The following BIRC6 variants were observed in gnomAD, a reference collection of about 807,000 sequenced individuals.
The protein encoded by BIRC6 is dual E2 ubiquitin-conjugating enzyme/E3 ubiquitin-protein ligase BIRC6.
A neutral mutation model predicts 503.3 loss-of-function variants in BIRC6; 98 were observed. That is an observed-to-expected ratio of 0.19 (90% CI 0.17 to 0.23). BIRC6 has a LOEUF of 0.23. Among genes scored for constraint, BIRC6 ranks in the 10% least tolerant of loss-of-function variants. The pLI is 1.00. For synonymous variants in BIRC6, 2,240 were observed against 2,078.7 expected, an observed-to-expected ratio of 1.08 and a Z score of -2.11; for missense variants, 5,360 against 5,806.0, an observed-to-expected ratio of 0.92 and a Z score of 2.50.
Position 32,357,495 on chromosome 2 carries a change from T to C in BIRC6, c.325+9T>C, listed in dbSNP as rs2033255150. 6.5e-7 allele frequency: 1 copy of C among 1,539,388 alleles called. No homozygotes were observed. Among genetic ancestry groups the C allele is most frequent in the Admixed American group, 2.0e-5 (1 of 49,116 alleles). ...GGCCTCCGCGCTCAGTGGTGAGTCT[T>C]CCGCACGCCGGGCGGGCGCGAAGCC... On this transcript the variant is annotated intron_variant, in intron 1 of 73. Coordinates refer to ENST00000421745, the MANE Select transcript of BIRC6 (RefSeq NM_016252.4). The surrounding 1 kb of genome is among the most constrained non-coding windows in gnomAD (Gnocchi z 4.9).
At chr2:32,437,591 C>G (rs970885502) in intron 15 of BIRC6, among the ~76,000 whole-genome samples, 7 of 152,164 alleles carry the variant, frequency 4.6e-5, no homozygotes, top group Non-Finnish European at 8.8e-5. Context: ...AGAAGTGTTT[C>G]AGATTTCAGA....
At chr2:32,481,926 G>C (rs1250460413) in intron 38 of BIRC6, among the ~76,000 whole-genome samples, 1 of 152,080 alleles carries the variant, frequency 6.6e-6, no homozygotes, top group East Asian at 1.9e-4. Context: ...TACTATTGTA[G>C]TTTAAAAACA....
chr2:32,434,108 A>G (rs2044422443), intron 13 of BIRC6, among the ~76,000 whole-genome samples: 1 of 152,202 alleles, frequency 6.6e-6, no homozygotes, highest in African/African-American at 2.4e-5. Flanking sequence ...TTCTTTTCCT[A>G]GGAGAAGACT....
intron 1 of BIRC6, among the ~76,000 whole-genome samples, chr2:32,359,295 TAGAA>T (rs911158543): frequency 6.6e-6 from 1 of 152,158 alleles, no homozygotes; most frequent in African/African-American, 2.4e-5. Context: ...GTGTTTTGGA[TAGAA>T]AGAGGAATTT....
intron 61 of BIRC6, among the ~76,000 whole-genome samples, chr2:32,534,404 A>G (rs918509096): frequency 1.3e-4 from 19 of 149,692 alleles, no homozygotes; most frequent in African/African-American, 4.2e-4. Flanking sequence ...GACACTGCAG[A>G]TTGCAACAGT....
rs769225530 is a variant in BIRC6, at chr2:32,617,708, C to A, written c.14395-17C>A. On this transcript the variant is annotated splice_polypyrimidine_tract_variant and intron_variant, in intron 73 of 73. Coordinates refer to ENST00000421745, the MANE Select transcript of BIRC6 (RefSeq NM_016252.4). ...GAGGGTTTGCAGTTCTAACATTAGT[C>A]CTTTTCTCCTGCATAGCGTCACACT... The A allele has an allele frequency of 3.2e-5, 51 of 1,609,158 alleles. No individual in the cohort carries two copies. Among genetic ancestry groups the A allele is most frequent in the Non-Finnish European group, 4.2e-5 (50 of 1,177,110 alleles).
intron 9 of BIRC6, among the ~76,000 whole-genome samples, chr2:32,411,217 TAGTAGAGACGGG>T (rs1264968429): frequency 6.6e-6 from 1 of 151,514 alleles, no homozygotes. Context: ...TTTGTATTTT[TAGTAGAGACGGG>T]AGTTTCACCA....
intron 3 of BIRC6, among the ~76,000 whole-genome samples, chr2:32,388,166 C>A (rs574374805): frequency 6.6e-6 from 1 of 151,820 alleles, no homozygotes; most frequent in South Asian, 2.1e-4. Flanking sequence ...GCGGACAGAT[C>A]ATCAGGTCAG....
At position 32,607,484 on chromosome 2, in the gene BIRC6, A is replaced by G. The variant is rs762731744; in HGVS notation, c.14100A>G (p.Leu4700=). Residue 4700 remains leucine (L), a synonymous_variant, in exon 72 of 74, where the codon TTA becomes TTG. Transcript: ENST00000421745. ...TGGTGTCTGTCCAGTCCCTTATATT[A>G]GTAGCTGAGCCTTATTTTAATGAAC... ...QVLVSVQSLI[L]VAEPYFNEPG... The G allele has an allele frequency of 5.0e-6, 8 of 1,605,040 alleles. No individual in the cohort carries two copies. In the African/African-American group the frequency reaches 6.7e-5, roughly 13 times the overall value.
At chr2:32,561,484 C>T (rs1024405753) in intron 65 of BIRC6, among the ~76,000 whole-genome samples, 3 of 151,804 alleles carry the variant, frequency 2.0e-5, no homozygotes, top group Non-Finnish European at 4.4e-5. Context: ...AAATGATCTG[C>T]CCACCTCGGC....
At chr2:32,375,661 G>A (rs1349101943) in intron 1 of BIRC6, among the ~76,000 whole-genome samples, 3 of 151,974 alleles carry the variant, frequency 2.0e-5, no homozygotes, top group Non-Finnish European at 1.5e-5. Context: ...TCAGGCACAG[G>A]ATTCATTTTG....
rs769523069 is a variant in BIRC6, at chr2:32,468,705, A to G, written c.6049A>G (p.Thr2017Ala). 1.2e-6 allele frequency: 2 copies of G among 1,613,980 alleles called. No individual in the cohort carries two copies. Among genetic ancestry groups the G allele is most frequent in the South Asian group, 2.2e-5 (2 of 91,082 alleles). Residue 2017 changes from threonine (T) to alanine (A), a missense_variant, in exon 29 of 74, where the codon ACA becomes GCA. Physicochemically the swap from Thr to Ala is moderately conservative, Grantham distance 58. Coordinates refer to ENST00000421745, the MANE Select transcript of BIRC6 (RefSeq NM_016252.4). ...ATCAAATCCAGAAGATTTAATTCAG[A>G]CATCTTCCACAGAGCAGTTACGTAC... ...ETSNPEDLIQ[T>A]SSTEQLRTII...
intron 71 of BIRC6, among the ~76,000 whole-genome samples, 173 bp downstream of exon 71, chr2:32,603,256 A>G (rs984983321): frequency 6.6e-6 from 1 of 152,154 alleles, no homozygotes; most frequent in Admixed American, 6.5e-5. Flanking sequence ...GTCTCATCTT[A>G]TGTGTAATCT....
Position 32,508,275 on chromosome 2 carries a change from C to CATTTTTTTTTTTTTTT in BIRC6, c.9980+16_9980+17insATTTTTTTTTTTTTTT. On this transcript the variant is annotated intron_variant, in intron 51 of 73. Transcript: ENST00000421745. ...CCAAAACAAGGTATGTTTTGTTTGT[C>CATTTTTTTTTTTTTTT]CTTTTTTTTTTTTTTTTTTTTTTTT... is the stretch of plus-strand genomic sequence containing the variant. 1.7e-6 allele frequency: 1 copy of CATTTTTTTTTTTTTTT among 577,790 alleles called. No individual in the cohort carries two copies. Among genetic ancestry groups the CATTTTTTTTTTTTTTT allele is most frequent in the Non-Finnish European group, 2.2e-6 (1 of 454,768 alleles). The allele number at this position is 577,790 out of a possible 1,614,324, so 35.8% of individuals were successfully genotyped here. A position where few individuals can be genotyped will look rare whatever the true frequency, so the allele number is the denominator to read the frequency against.
intron 35 of BIRC6, 33 bp from the exon 36 acceptor site, chr2:32,478,601 AT>A (rs753221144): frequency 3.6e-4 from 571 of 1,571,392 alleles, no homozygotes; most frequent in Non-Finnish European, 4.6e-4. Context: ...TGTAATTGCT[AT>A]TTAAGTGTAT....
intron 1 of BIRC6, among the ~76,000 whole-genome samples, chr2:32,359,373 G>C (rs1436569978): frequency 6.6e-6 from 1 of 152,180 alleles, no homozygotes; most frequent in East Asian, 1.9e-4. Flanking sequence ...AGGATTTGTT[G>C]GTTGGGGAAA....
chr2:32,452,165 T>C (rs1338449224), intron 22 of BIRC6, among the ~76,000 whole-genome samples: 3 of 152,146 alleles, frequency 2.0e-5, no homozygotes, highest in Non-Finnish European at 4.4e-5. Context: ...GGTCAGATGT[T>C]TTCACCCACT....
Position 32,523,559 on chromosome 2 carries a change from T to C in BIRC6, c.11624-1329T>C, listed in dbSNP as rs148732146. On this transcript the variant is annotated intron_variant, in intron 57 of 73. Coordinates refer to ENST00000421745, the MANE Select transcript of BIRC6 (RefSeq NM_016252.4). The stretch of plus-strand genomic sequence containing the variant: ...GTATTGTTGCACCATGCATTTGTTA[T>C]GTGTATAAAATTTTTTACTTCACAA... 1.7e-4 allele frequency: 26 copies of C among 152,358 alleles called. 1 individual carries two copies. The highest frequency in any genetic ancestry group is 2.9e-4 in the Non-Finnish European group (20 of 68,030). The allele number at this position is 152,358 out of a possible 1,614,324, so 9.4% of individuals were successfully genotyped here.
intron 45 of BIRC6, among the ~76,000 whole-genome samples, chr2:32,494,181 T>A (rs1356037676): frequency 6.6e-6 from 1 of 152,182 alleles, no homozygotes; most frequent in East Asian, 1.9e-4. Context: ...CTTATTAATG[T>A]CTTTTTTTAT....
Sources: gnomAD v4.1 joint callset for allele counts (sites outside exome capture counted in the v4.1 genomes callset) on GRCh38, gnomAD v4.1.1 for gene constraint, Gnocchi (gnomAD v3.1) non-coding constraint, MANE v1.5 for transcripts, NCBI Gene and HGNC (gene_info 2026-07-23, HGNC 2026-07-21) for gene names.